FDX2: variants seen among roughly 807,000 people sequenced by gnomAD.
The protein encoded by FDX2 is ferredoxin-2, mitochondrial.
FDX2 carries 13 observed loss-of-function variants against 18.5 expected under a neutral mutation model. The ratio of observed to expected loss-of-function variants is 0.70; its 90% CI spans 0.46 to 1.12. The LOEUF is 1.12. Among genes scored for constraint, FDX2 ranks in the 50% most tolerant of loss-of-function variants. The pLI is 0.00. For missense variants in FDX2, 238 were observed against 250.4 expected (o/e 0.95, Z 0.34); for synonymous variants, 132 against 106.2 (o/e 1.24, Z -1.49).
intron 3 of FDX2, among the ~76,000 whole-genome samples, chr19:10,314,181 G>A (rs1229169924): frequency 1.3e-5 from 2 of 150,430 alleles, no homozygotes; most frequent in Non-Finnish European, 2.9e-5. Flanking sequence ...ACAGGGTTTC[G>A]CCATGTTGGC....
At position 10,310,881 on chromosome 19, in the gene FDX2, G is replaced by A; in HGVS notation, c.376C>T (p.Leu126=). 1.2e-6 allele frequency: 2 copies of A among 1,613,944 alleles called. No individual in the cohort carries two copies. Among genetic ancestry groups the A allele is most frequent in the Non-Finnish European group, 1.7e-6 (2 of 1,179,958 alleles). Reference sequence around the variant, plus strand: ...TCCTCGGGAGGAGGCAGGAGATCCAGGTGGTCTTCACTCACATACACATGG... The same window carrying A: ...TCCTCGGGAGGAGGCAGGAGATCCAAGTGGTCTTCACTCACATACACATGG... The change falls in exon 4 of 5, where the codon CTG becomes TTG. Residue 126 remains leucine (L), a synonymous_variant. Transcript: ENST00000393708.
intron 3 of FDX2, 78 bp downstream of exon 3, chr19:10,315,308 C>G: frequency 1.1e-6 from 1 of 877,490 alleles, no homozygotes; most frequent in Middle Eastern, 2.9e-4. Flanking sequence ...AGAGACACAC[C>G]TAATTTGTGG....
At chr19:10,311,826 A>C (rs1456375470) in intron 3 of FDX2, among the ~76,000 whole-genome samples, 2 of 145,436 alleles carry the variant, frequency 1.4e-5, no homozygotes, top group Non-Finnish European at 3.0e-5. Context: ...CAGCCTCCCG[A>C]GTAGCTGGGA....
Position 10,310,913 on chromosome 19 carries a change from G to C in FDX2, c.344C>G (p.Ser115Cys), listed in dbSNP as rs776182147. The change falls in exon 4 of 5, where the codon TCC (serine) becomes TGC (cysteine). Residue 115 changes from serine (S) to cysteine (C), a missense_variant. By Grantham distance (112) the Ser-to-Cys change is moderately radical. Coordinates refer to ENST00000393708, the MANE Select transcript of FDX2 (RefSeq NM_001031734.4). ...TTCACTCACATACACATGGCAGGTG[G>C]AGCAGGCCAGGGAGGCTTCACAGGC... The C allele has an allele frequency of 6.2e-7, 1 of 1,613,562 alleles. No homozygotes were observed. Among genetic ancestry groups the C allele is most frequent in the Non-Finnish European group, 8.5e-7 (1 of 1,179,758 alleles).
intron 4 of FDX2, 50 bp from the exon 5 acceptor site, chr19:10,310,692 G>T (rs754076613): frequency 1.9e-6 from 3 of 1,565,300 alleles, no homozygotes; most frequent in African/African-American, 1.4e-5. Flanking sequence ...TAGCTGGGTG[G>T]GTGGGGGGCC....
In FDX2 at chr19:10,315,886, C is replaced by T; in HGVS notation, c.120G>A (p.Val40=). 1.3e-6 allele frequency: 2 copies of T among 1,592,148 alleles called. No individual in the cohort carries two copies. Among genetic ancestry groups the T allele is most frequent in the African/African-American group, 1.4e-5 (1 of 73,876 alleles). Residue 40 remains valine (V), a synonymous_variant, in exon 1 of 5, where the codon GTG becomes GTA. Transcript: ENST00000393708. ...GAAACTTTCTGGTTGTCCCCAGCGC[C>T]ACCCCCTCCCCCGACCCGGAAGTGC...
intron 3 of FDX2, among the ~76,000 whole-genome samples, chr19:10,314,290 T>C (rs1421497446): frequency 6.6e-6 from 1 of 152,140 alleles, no homozygotes; most frequent in African/African-American, 2.4e-5. Context: ...GGACAAGAAA[T>C]TTCTATTATT....
intron 1 of FDX2, 27 bp from the exon 2 acceptor site, chr19:10,315,786 T>TGCGCCGAGCC: frequency 3.1e-6 from 5 of 1,602,192 alleles, no homozygotes; most frequent in Non-Finnish European, 4.3e-6. Context: ...GGTGAGCGGC[T>TGCGCCGAGCC]GCGCCGAGCC....
At chr19:10,313,650 CATATATATAT>C (rs756951453) in intron 3 of FDX2, among the ~76,000 whole-genome samples, 1 of 30,524 alleles carries the variant, frequency 3.3e-5, no homozygotes, top group African/African-American at 1.7e-4. Context: ...TGGTTAAAGA[CATATATATAT>C]ATATATATAT....
At chr19:10,311,646 C>T (rs571880843) in intron 3 of FDX2, among the ~76,000 whole-genome samples, 3 of 151,400 alleles carry the variant, frequency 2.0e-5, no homozygotes, top group East Asian at 1.9e-4. Context: ...ATGATCTGCC[C>T]GCCTCAGCTT....
intron 3 of FDX2, 172 bp downstream of exon 3, chr19:10,315,214 C>A (rs1238289445): frequency 5.1e-6 from 3 of 587,364 alleles, no homozygotes; most frequent in Non-Finnish European, 9.0e-6. Flanking sequence ...CTAATAAATG[C>A]TTAACAAATA....
chr19:10,315,999 C>T lies in FDX2; in HGVS notation c.7G>A (p.Val3Ile), dbSNP rs1247561150. 6 of 1,602,510 alleles carry T rather than the reference C, an allele frequency of 3.7e-6. No individual in the cohort carries two copies. In the East Asian group the frequency reaches 6.7e-5, roughly 18 times the overall value. ...CCCCGGGCCATGGAGGCGGCCATGA[C>T]ATGCATCACGTGACTCACCGACTGA... Residue 3 changes from valine (V) to isoleucine (I), a missense_variant, in exon 1 of 5, where the codon GTC (valine) becomes ATC (isoleucine). It removes an upstream start codon present in the reference 5' UTR. Transcript: ENST00000393708.
intron 4 of FDX2, 72 bp from the exon 5 acceptor site, chr19:10,310,714 A>C: frequency 2.1e-6 from 1 of 478,628 alleles, no homozygotes. Context: ...GAGGTGGGGG[A>C]GGGAGGAAGC....
At position 10,315,913 on chromosome 19, in the gene FDX2, C is replaced by G; in HGVS notation, c.93G>C (p.Gly31=). The G allele has an allele frequency of 6.2e-7, 1 of 1,610,548 alleles. No individual in the cohort carries two copies. The highest frequency in any genetic ancestry group is 8.5e-7 in the Non-Finnish European group (1 of 1,179,046). ...CCCCCTCCCCCGACCCGGAAGTGCC[C>G]CCAGGTCTGTTCCACCAGGTGCCCC... Residue 31 remains glycine, a synonymous_variant, in exon 1 of 5, where the codon GGG becomes GGC. Transcript: ENST00000393708.
At chr19:10,315,558 G>C in intron 2 of FDX2, 66 bp from the exon 3 acceptor site, 1 of 1,568,500 alleles carries the variant, frequency 6.4e-7, no homozygotes, top group Non-Finnish European at 8.7e-7. Context: ...TAGAATCTAG[G>C]GTTAGGAAGT....
intron 3 of FDX2, among the ~76,000 whole-genome samples, chr19:10,312,211 C>T (rs1409150777): frequency 1.6e-5 from 2 of 122,042 alleles, no homozygotes; most frequent in Non-Finnish European, 1.6e-5. Flanking sequence ...AGACGAGGTT[C>T]ACCATGTGGC....
intron 3 of FDX2, among the ~76,000 whole-genome samples, chr19:10,311,564 A>AT (rs1427932260): frequency 2.0e-5 from 3 of 151,152 alleles, no homozygotes; most frequent in Non-Finnish European, 4.4e-5. Context: ...CGCCTGGCTA[A>AT]TTTTTTTATA....
intron 3 of FDX2, among the ~76,000 whole-genome samples, chr19:10,311,336 T>C (rs1413279196): frequency 6.6e-6 from 1 of 151,930 alleles, no homozygotes; most frequent in African/African-American, 2.4e-5. Context: ...CCACTGCTCT[T>C]GGAGGATGGA....
chr19:10,310,588 G>A lies in FDX2; in HGVS notation c.459C>T (p.Gly153=). The change falls in exon 5 of 5, where the codon GGC becomes GGT. Residue 153 remains glycine, a synonymous_variant. Coordinates refer to ENST00000393708, the MANE Select transcript of FDX2 (RefSeq NM_001031734.4). ...GCTCCGGTGTCAGCACAATCTGGCAGCCCAGCCGCGAGTTCTCCTGGAGGA... is the reference window on the plus strand; with the variant it reads ...GCTCCGGTGTCAGCACAATCTGGCAACCCAGCCGCGAGTTCTCCTGGAGGA... The A allele has an allele frequency of 6.2e-7, 1 of 1,614,040 alleles. No individual in the cohort carries two copies. The highest frequency in any genetic ancestry group is 8.5e-7 in the Non-Finnish European group (1 of 1,179,986).
Sources: gnomAD v4.1 joint callset for allele counts (sites outside exome capture counted in the v4.1 genomes callset) on GRCh38, gnomAD v4.1.1 for gene constraint, MANE v1.5 for transcripts, NCBI Gene and HGNC (gene_info 2026-07-23, HGNC 2026-07-21) for gene names.